CNKSR2: variants seen among roughly 807,000 people sequenced by gnomAD.
CNKSR2 encodes the protein connector enhancer of kinase suppressor of Ras 2.
Under a neutral mutation model 84.4 loss-of-function variants are expected in CNKSR2, and 14 were observed. That is an observed-to-expected ratio of 0.17 (90% CI 0.11 to 0.26). The LOEUF (loss-of-function observed/expected upper bound fraction) is 0.26. CNKSR2 is among the 10% of genes least tolerant of loss of function. CNKSR2 has a pLI of 1.00. For synonymous variants in CNKSR2, 275 were observed against 277.9 expected, an observed-to-expected ratio of 0.99 and a Z score of 0.10; for missense variants, 485 against 771.2, an observed-to-expected ratio of 0.63 and a Z score of 4.40.
intron 5 of CNKSR2, among the ~76,000 whole-genome samples, chrX:21,471,981 G>A (rs1039398167): frequency 2.7e-5 from 3 of 111,770 alleles, no homozygotes; most frequent in African/African-American, 9.8e-5. Context: ...TTTGCAGATG[G>A]TGGAACTAAG....
At chrX:21,487,444 C>T (rs1351765125) in intron 5 of CNKSR2, among the ~76,000 whole-genome samples, 1 of 111,606 alleles carries the variant, frequency 9.0e-6, no homozygotes, top group African/African-American at 3.3e-5. Context: ...CATTTATATA[C>T]ATCCATTACT....
At chrX:21,529,497 A>AAAGTTAGTT (rs2091866403) in intron 10 of CNKSR2, among the ~76,000 whole-genome samples, 1 of 111,369 alleles carries the variant, frequency 9.0e-6, no homozygotes, top group Non-Finnish European at 1.9e-5. Context: ...CATTAAATAT[A>AAAGTTAGTT]AAGTTAGTTC....
chrX:21,505,035 C>T (rs1261666044), intron 8 of CNKSR2: 6 of 263,405 alleles, frequency 2.3e-5, no homozygotes, highest in African/African-American at 1.1e-4. Flanking sequence ...CAACTCTGCC[C>T]TCATGATGCA....
intron 1 of CNKSR2, among the ~76,000 whole-genome samples, chrX:21,413,044 C>G (rs921776152): frequency 9.0e-6 from 1 of 111,379 alleles, no homozygotes; most frequent in Admixed American, 9.5e-5. Flanking sequence ...ACTCTTTACT[C>G]ATTAAACAAC....
chrX:21,469,851 G>A (rs757258681), intron 4 of CNKSR2, among the ~76,000 whole-genome samples: 10 of 111,367 alleles, frequency 9.0e-5, no homozygotes, highest in Admixed American at 8.6e-4. Context: ...GGTGGAGGTT[G>A]CAGTGAGCCG....
In CNKSR2 at chrX:21,654,281, A is replaced by AC. The variant is rs1474745399; in HGVS notation, c.*1760_*1761insC. ...TGGGATTTTGTATATGTAAAAAAAA[A>AC]AAAAAAAAAAAAACAAAAAACCTCT... On this transcript the variant is annotated 3_prime_UTR_variant, in exon 22 of 22. Transcript: ENST00000379510. The AC allele has an allele frequency of 5.6e-5, 6 of 106,683 alleles. No individual in the cohort carries two copies. In the East Asian group the frequency reaches 8.9e-4, roughly 16 times the overall value. 8.8% of individuals were successfully genotyped at this position (106,683 alleles called of 1,213,427 possible). A position where few individuals can be genotyped will look rare whatever the true frequency, so the allele number is the denominator to read the frequency against.
At chrX:21,425,818 A>C (rs2090558106) in intron 1 of CNKSR2, 1 of 111,589 alleles carries the variant, frequency 9.0e-6, no homozygotes, top group African/African-American at 3.3e-5. Flanking sequence ...CTACTTTTGG[A>C]TTTGAGTAAA....
rs186592195 is a variant in CNKSR2 at position 21,400,038 on chromosome X, A to G, written c.64+25077A>G. On this transcript the variant is annotated intron_variant, in intron 1 of 21. Transcript: ENST00000379510. ...GCTATTATTAGTACCACCACCACCTATAAAGAAGAGTTGTAGTCAGGGGGT... is the reference window on the plus strand; with the variant it reads ...GCTATTATTAGTACCACCACCACCTGTAAAGAAGAGTTGTAGTCAGGGGGT... 2.9e-4 allele frequency among the ~76,000 whole-genome samples: 32 copies of G among 110,993 alleles called. No homozygotes were observed. The East Asian group carries it at 8.8e-3, about 30-fold the overall frequency.
In CNKSR2 at chrX:21,652,706, A is replaced by G. The variant is rs1446806257; in HGVS notation, c.*185A>G. 5 of 403,315 alleles carry G rather than the reference A, an allele frequency of 1.2e-5. No homozygotes were observed. The South Asian group carries it at 1.5e-4, about 12-fold the overall frequency. The allele number at this position is 403,315 out of a possible 1,213,427, so 33.2% of individuals were successfully genotyped here. ...TGAGCATTTGTATATTTTATATGCA[A>G]CAGTGCTCAGCTTATGTTTACCATG... On this transcript the variant is annotated 3_prime_UTR_variant, in exon 22 of 22. Coordinates refer to ENST00000379510, the MANE Select transcript of CNKSR2 (RefSeq NM_014927.5).
chrX:21,573,633 C>G (rs1349309820), intron 13 of CNKSR2, among the ~76,000 whole-genome samples: 1 of 112,040 alleles, frequency 8.9e-6, no homozygotes, highest in Non-Finnish European at 1.9e-5. Context: ...CATGGCCCAA[C>G]CTATACCTTG....
chrX:21,510,729 G>C (rs1373239136), intron 8 of CNKSR2, among the ~76,000 whole-genome samples: 3 of 111,615 alleles, frequency 2.7e-5, no homozygotes, highest in Non-Finnish European at 5.6e-5. Flanking sequence ...AGAACCTCTG[G>C]CTTTTAGCAC....
chrX:21,581,151 A>G (rs758953639), intron 13 of CNKSR2, among the ~76,000 whole-genome samples: 1 of 112,409 alleles, frequency 8.9e-6, no homozygotes, highest in Admixed American at 9.4e-5. Flanking sequence ...ACAGGTATAC[A>G]TATAATATTT....
At chrX:21,508,260 T>G (rs1476603940) in intron 8 of CNKSR2, among the ~76,000 whole-genome samples, 2 of 111,911 alleles carry the variant, frequency 1.8e-5, no homozygotes, top group Non-Finnish European at 3.8e-5. Context: ...AGCCTAGAAA[T>G]TCAAGGTTGC....
intron 20 of CNKSR2, among the ~76,000 whole-genome samples, chrX:21,622,517 G>T (rs2092606217): frequency 9.0e-6 from 1 of 111,048 alleles, no homozygotes; most frequent in African/African-American, 3.3e-5. Context: ...ATTTGTCTTT[G>T]TAAAGTTTTA....
intron 20 of CNKSR2, among the ~76,000 whole-genome samples, chrX:21,627,810 G>A (rs1275063772): frequency 9.0e-6 from 1 of 111,126 alleles, no homozygotes; most frequent in Non-Finnish European, 1.9e-5. Context: ...TGAGATTTGG[G>A]TGGGGACACA....
intron 6 of CNKSR2, chrX:21,493,761 C>T (rs1472989915): frequency 9.0e-6 from 1 of 111,057 alleles, no homozygotes; most frequent in African/African-American, 3.3e-5. Flanking sequence ...CAACTTATTT[C>T]TTCTCTTTCT....
chrX:21,533,990 C>T (rs2091906550), intron 11 of CNKSR2, among the ~76,000 whole-genome samples: 1 of 110,278 alleles, frequency 9.1e-6, no homozygotes, highest in Non-Finnish European at 1.9e-5. Context: ...ATTATTGTTA[C>T]CTATAGCCAT....
At chrX:21,639,192 A>G (rs2092683785) in intron 20 of CNKSR2, among the ~76,000 whole-genome samples, 1 of 112,295 alleles carries the variant, frequency 8.9e-6, no homozygotes, top group Non-Finnish European at 1.9e-5. Context: ...AGAAAAGGAA[A>G]GAGTGTTGAG....
chrX:21,632,493 G>T (rs1477483904), intron 20 of CNKSR2, among the ~76,000 whole-genome samples: 1 of 112,080 alleles, frequency 8.9e-6, no homozygotes, highest in Non-Finnish European at 1.9e-5. Flanking sequence ...TGGTGCTGAA[G>T]ATTTAAAATA....
Sources: gnomAD v4.1 joint callset for allele counts (sites outside exome capture counted in the v4.1 genomes callset) on GRCh38, gnomAD v4.1.1 for gene constraint, MANE v1.5 for transcripts, NCBI Gene and HGNC (gene_info 2026-07-23, HGNC 2026-07-21) for gene names.